CCDC73: variants seen among roughly 807,000 people sequenced by gnomAD.
CCDC73 encodes coiled-coil domain-containing protein 73.
CCDC73 carries 95 observed loss-of-function variants against 116.5 expected under a neutral mutation model. The ratio of observed to expected loss-of-function variants is 0.82; its 90% confidence interval spans 0.69 to 0.97. The LOEUF is 0.97. Among genes scored for constraint, CCDC73 ranks in the 50% least tolerant of loss-of-function variants. The probability of loss-of-function intolerance (pLI) is 0.00; values close to 1 mark genes in which losing one functional copy is unlikely to be tolerated. For synonymous variants in CCDC73, 398 were observed against 401.3 expected, an observed-to-expected ratio of 0.99 and a Z score of 0.10; for missense variants, 1,066 against 1,206.8, an observed-to-expected ratio of 0.88 and a Z score of 1.73.
intron 14 of CCDC73, among the ~76,000 whole-genome samples, chr11:32,618,827 C>T (rs1042687198): frequency 1.9e-4 from 29 of 152,186 alleles, no homozygotes; most frequent in African/African-American, 6.0e-4. Context: ...GCTGGGATTA[C>T]AGGCATGAGC....
the CCDC73 span, among the ~76,000 whole-genome samples, chr11:32,808,430 G>A: frequency 6.6e-6 from 1 of 152,212 alleles, no homozygotes; most frequent in African/African-American, 2.4e-5. Flanking sequence ...CTTGAGGTCA[G>A]GAGTTTGAGA....
At chr11:32,637,020 T>TTC (rs1565063185) in intron 13 of CCDC73, among the ~76,000 whole-genome samples, 16 of 136,020 alleles carry the variant, frequency 1.2e-4, no homozygotes, top group Non-Finnish European at 2.0e-4. Flanking sequence ...TCTTTTTCTT[T>TTC]TTTTTTTTTT....
Position 32,717,890 on chromosome 11 carries a change from G to A in CCDC73, c.207+186C>T, listed in dbSNP as rs142255745. 2.3e-3 allele frequency among the ~76,000 whole-genome samples: 351 copies of A among 152,260 alleles called. 3 individuals carry two copies. Among genetic ancestry groups the A allele is most frequent in the East Asian group, 0.017 (89 of 5,178 alleles). On this transcript the variant is annotated intron_variant, in intron 3 of 17. Coordinates refer to ENST00000335185, the MANE Select transcript of CCDC73 (RefSeq NM_001008391.4). Reference sequence around the variant, plus strand: ...GTGACAGAAAGGAGAAGTGCTGAGCGAAGAGGGAAGAGCCCCTTATAAAAC... The same window carrying A: ...GTGACAGAAAGGAGAAGTGCTGAGCAAAGAGGGAAGAGCCCCTTATAAAAC...
chr11:32,616,326 C>G (rs2467586), intron 14 of CCDC73, among the ~76,000 whole-genome samples, 197 bp from the exon 15 acceptor site: 34,676 of 152,026 alleles, frequency 0.23, 4,225 homozygotes, highest in Middle Eastern at 0.28. Flanking sequence ...TTTATATAGT[C>G]TATCATATTT....
chr11:32,690,592 T>C (rs188164546), intron 6 of CCDC73, among the ~76,000 whole-genome samples: 7 of 152,244 alleles, frequency 4.6e-5, no homozygotes, highest in Admixed American at 1.3e-4. Flanking sequence ...GGAATTCTCA[T>C]GAGATCTGGT....
intron 2 of CCDC73, among the ~76,000 whole-genome samples, chr11:32,730,730 G>C (rs1212766835): frequency 6.6e-6 from 1 of 152,154 alleles, no homozygotes; most frequent in East Asian, 1.9e-4. Context: ...ATGTCATGTA[G>C]TTCTACAATC....
chr11:32,604,556 G>A (rs1360093353), intron 17 of CCDC73: 1 of 151,988 alleles, frequency 6.6e-6, no homozygotes, highest in Admixed American at 6.6e-5. Context: ...TTAAATACTG[G>A]GGTCATATTT....
chr11:32,702,864 T>A lies in CCDC73; in HGVS notation c.279+9A>T. 6.3e-7 allele frequency: 1 copy of A among 1,583,142 alleles called. No individual in the cohort carries two copies. The highest frequency in any genetic ancestry group is 8.7e-7 in the Non-Finnish European group (1 of 1,151,816). The stretch of plus-strand genomic sequence containing the variant: ...AAATGGTAGTGTTTGTCTATCCTTA[T>A]GAAATTACCTGCTTTTTAAAAACTG... On this transcript the variant is annotated intron_variant, in intron 4 of 17. Coordinates refer to ENST00000335185, the MANE Select transcript of CCDC73 (RefSeq NM_001008391.4).
At position 32,686,056 on chromosome 11, in the gene CCDC73, C is replaced by T. The variant is rs556292781; in HGVS notation, c.391-2482G>A. On this transcript the variant is annotated intron_variant, in intron 6 of 17. Transcript: ENST00000335185. ...TTTTAAAGACTCACTCTATTACATT[C>T]ACATTAGAAGGGAACAGAGTTTGTG... 2.0e-5 allele frequency among the ~76,000 whole-genome samples: 3 copies of T among 151,716 alleles called. No individual in the cohort carries two copies. The South Asian group carries it at 6.3e-4, about 32-fold the overall frequency.
intron 17 of CCDC73, among the ~76,000 whole-genome samples, chr11:32,608,340 C>T (rs368304761): frequency 1.3e-5 from 2 of 152,292 alleles, no homozygotes; most frequent in South Asian, 4.1e-4. Context: ...GGGTGGGGTA[C>T]AGGCATTGGG....
At chr11:32,637,607 C>T (rs570483652) in intron 13 of CCDC73, among the ~76,000 whole-genome samples, 37 of 151,838 alleles carry the variant, frequency 2.4e-4, no homozygotes, top group Non-Finnish European at 5.2e-4. Context: ...CAAACACACA[C>T]ACACACATAC....
At chr11:32,622,665 A>C (rs1197795179) in intron 14 of CCDC73, among the ~76,000 whole-genome samples, 1 of 129,014 alleles carries the variant, frequency 7.8e-6, no homozygotes, top group Non-Finnish European at 1.7e-5. Context: ...TGGAACTTAA[A>C]TAAAATTGAA....
intron 2 of CCDC73, among the ~76,000 whole-genome samples, chr11:32,741,902 T>C (rs1424415097): frequency 2.0e-5 from 3 of 152,190 alleles, no homozygotes; most frequent in Non-Finnish European, 2.9e-5. Flanking sequence ...AGTGAGAACA[T>C]GTGGTGTTTG....
At position 32,703,515 on chromosome 11, in the gene CCDC73, C is replaced by A. The variant is rs191189501; in HGVS notation, c.208-571G>T. 3.3e-5 allele frequency among the ~76,000 whole-genome samples: 5 copies of A among 151,508 alleles called. No individual in the cohort carries two copies. The East Asian group carries it at 9.7e-4, about 29-fold the overall frequency. On this transcript the variant is annotated intron_variant, in intron 3 of 17. Coordinates refer to ENST00000335185, the MANE Select transcript of CCDC73 (RefSeq NM_001008391.4). ...ACTTTGGATATTATTTGCTCCAAAT[C>A]TTTCTTCAAGAAAAATATCTTTTAA...
chr11:32,811,182 T>C, the CCDC73 span, among the ~76,000 whole-genome samples: 15,636 of 152,206 alleles, frequency 0.1, 850 homozygotes, highest in Non-Finnish European at 0.13. Context: ...AAGCATAACA[T>C]TGGAGCCTCT....
the CCDC73 span, among the ~76,000 whole-genome samples, chr11:32,802,237 C>G: frequency 1.3e-5 from 2 of 152,050 alleles, no homozygotes; most frequent in Non-Finnish European, 2.9e-5. Context: ...GGTATTATTA[C>G]TATATGAAAT....
intron 2 of CCDC73, 142 bp downstream of exon 2, chr11:32,759,967 T>A: frequency 1.5e-6 from 1 of 682,162 alleles, no homozygotes; most frequent in Non-Finnish European, 2.5e-6. Flanking sequence ...ATCTGTCCTA[T>A]TCTCTTTTAC....
At chr11:32,759,228 T>C (rs780437653) in intron 2 of CCDC73, among the ~76,000 whole-genome samples, 4 of 151,966 alleles carry the variant, frequency 2.6e-5, no homozygotes, top group Non-Finnish European at 4.4e-5. Flanking sequence ...ATCTATCCTA[T>C]ATAGAGTTAA....
At chr11:32,663,046 T>C (rs1855945713) in intron 9 of CCDC73, among the ~76,000 whole-genome samples, 1 of 152,156 alleles carries the variant, frequency 6.6e-6, no homozygotes, top group Non-Finnish European at 1.5e-5. Context: ...CATTGGTCTA[T>C]ATCTCTGTTT....
Sources: allele counts gnomAD v4.1 joint callset (sites outside exome capture counted in the v4.1 genomes callset), GRCh38; gene constraint gnomAD v4.1.1; transcripts MANE v1.5; gene names NCBI Gene and HGNC (gene_info 2026-07-23, HGNC 2026-07-21).